MIDEAS: variants seen among roughly 807,000 people sequenced by gnomAD.
The protein encoded by MIDEAS is mitotic deacetylase associated SANT domain protein.
A neutral mutation model predicts 102.7 loss-of-function variants in MIDEAS; 26 were observed. The observed-to-expected ratio is 0.25, with a 90% CI of 0.19 to 0.35. The LOEUF is 0.35. Ranked by LOEUF, MIDEAS falls within the 10% of genes least tolerant of loss-of-function variation. The pLI, the probability that MIDEAS is intolerant of heterozygous loss-of-function variation, is 1.00. For missense variants in MIDEAS, 1,231 were observed against 1,435.6 expected, an observed-to-expected ratio of 0.86 and a Z score of 2.30; for synonymous variants, 585 against 591.0, an observed-to-expected ratio of 0.99 and a Z score of 0.15.
upstream of MIDEAS, among the ~76,000 whole-genome samples, chr14:73,760,638 T>C (rs1028628140): frequency 5.9e-5 from 9 of 152,186 alleles, no homozygotes; most frequent in African/African-American, 2.2e-4. The surrounding 1 kb of genome is among the most constrained non-coding windows in gnomAD (Gnocchi z 4.8). Flanking sequence ...AAAGAAACTC[T>C]CTCTGGTTTT....
chr14:73,730,091 C>T, intron 3 of MIDEAS, 106 bp from the exon 4 acceptor site: 2 of 1,099,642 alleles, frequency 1.8e-6, no homozygotes, highest in Non-Finnish European at 2.7e-6. Flanking sequence ...AGTCTGCCTA[C>T]CACACCCACC....
In MIDEAS at chr14:73,725,400, G is replaced by A. The variant is rs761309382; in HGVS notation, c.2486-40C>T. ...GGCAGCCAGGGAGTGAGGTGGGCAGGGCCCTGGCCACTGCAGGGCAATTTT... is the reference window on the plus strand; with the variant it reads ...GGCAGCCAGGGAGTGAGGTGGGCAGAGCCCTGGCCACTGCAGGGCAATTTT... On this transcript the variant is annotated intron_variant, in intron 8 of 12. Transcript: ENST00000423556. This position sits in a 1 kb window ranked among gnomAD's most constrained non-coding sequence, Gnocchi z 4.1. 1.3e-6 allele frequency: 2 copies of A among 1,562,222 alleles called. No homozygotes were observed. The highest frequency in any genetic ancestry group is 1.8e-6 in the Non-Finnish European group (2 of 1,133,382).
rs147744773 is a variant in MIDEAS at position 73,748,634 on chromosome 14, T to C, written c.-247-8379A>G. Reference sequence around the variant, plus strand: ...TACTAATATCAGACAAAATATGTGGTGGCAGGCACCTGTAATCGCAGCTAC... The same window carrying C: ...TACTAATATCAGACAAAATATGTGGCGGCAGGCACCTGTAATCGCAGCTAC... On this transcript the variant is annotated intron_variant, in intron 1 of 12. Transcript: ENST00000423556. Among the ~76,000 whole-genome samples, 458 of 152,050 alleles carry C rather than the reference T, an allele frequency of 3.0e-3. 2 individuals carry two copies. The highest frequency in any genetic ancestry group is 5.2e-3 in the Non-Finnish European group (356 of 67,982).
At chr14:73,761,252 T>G (rs2140158332), upstream of MIDEAS, among the ~76,000 whole-genome samples, 1 of 152,252 alleles carries the variant, frequency 6.6e-6, no homozygotes, top group East Asian at 1.9e-4. Flanking sequence ...CCTCACTTTC[T>G]CAGGGAGAAG....
chr14:73,773,318 T>C (rs1207622802), intron 1 of MIDEAS, among the ~76,000 whole-genome samples: 2 of 151,808 alleles, frequency 1.3e-5, no homozygotes, highest in African/African-American at 4.8e-5. Context: ...CTGGTGGATG[T>C]TGGAGGTAAT....
At chr14:73,755,246 GGCTCTTCCCCACCA>G (rs549730995) in intron 1 of MIDEAS, among the ~76,000 whole-genome samples, 9 of 152,094 alleles carry the variant, frequency 5.9e-5, no homozygotes, top group African/African-American at 1.4e-4. Context: ...CCCAAGCCCC[GGCTCTTCCCCACCA>G]GCTCTTCCCC....
rs2052907503 is a variant in MIDEAS, at chr14:73,717,369, C to T, written c.*1474G>A. ...TCCTGGCCCTTTCACTTCACCCATGCCAAATATGGCTTCTTCAAGCCAGAA... is the reference window on the plus strand; with the variant it reads ...TCCTGGCCCTTTCACTTCACCCATGTCAAATATGGCTTCTTCAAGCCAGAA... On this transcript the variant is annotated 3_prime_UTR_variant, in exon 13 of 13. Coordinates refer to ENST00000423556, the MANE Select transcript of MIDEAS (RefSeq NM_001367710.1). 1.3e-5 allele frequency: 2 copies of T among 152,206 alleles called. No individual in the cohort carries two copies. The highest frequency in any genetic ancestry group is 4.8e-5 in the African/African-American group (2 of 41,456). The allele number at this position is 152,206 out of a possible 1,614,324, so 9.4% of individuals were successfully genotyped here.
rs2053289087 is a variant in MIDEAS at position 73,742,148 on chromosome 14, T to C, written c.-247-1893A>G. Among the ~76,000 whole-genome samples the C allele has an allele frequency of 6.6e-6, 1 of 152,142 alleles. No individual in the cohort carries two copies. Among genetic ancestry groups the C allele is most frequent in the African/African-American group, 2.4e-5 (1 of 41,432 alleles). Reference sequence around the variant, plus strand: ...CGAGGGAACATCAAGCCCACAGAACTAGAAGTGCGTGTCTGCAGAAGCAAG... The same window carrying C: ...CGAGGGAACATCAAGCCCACAGAACCAGAAGTGCGTGTCTGCAGAAGCAAG... On this transcript the variant is annotated intron_variant, in intron 1 of 12. Coordinates refer to ENST00000423556, the MANE Select transcript of MIDEAS (RefSeq NM_001367710.1). The surrounding 1 kb of genome is among the most constrained non-coding windows in gnomAD (Gnocchi z 4.4).
In MIDEAS at chr14:73,759,017, G is replaced by T. The variant is rs886103286; in HGVS notation, c.-248+746C>A. Reference sequence around the variant, plus strand: ...TTCGGCGCTGCCGCCAGGCACCAGGGAACACAGCTCCCCGCGAGGCACCGC... The same window carrying T: ...TTCGGCGCTGCCGCCAGGCACCAGGTAACACAGCTCCCCGCGAGGCACCGC... On this transcript the variant is annotated intron_variant, in intron 1 of 12. Coordinates refer to ENST00000423556, the MANE Select transcript of MIDEAS (RefSeq NM_001367710.1). This position sits in a 1 kb window ranked among gnomAD's most constrained non-coding sequence, Gnocchi z 6.7. Among the ~76,000 whole-genome samples the T allele has an allele frequency of 3.9e-5, 6 of 152,154 alleles. No homozygotes were observed. The highest frequency in any genetic ancestry group is 8.8e-5 in the Non-Finnish European group (6 of 67,990).
intron 1 of MIDEAS, chr14:73,758,641 T>A (rs2053515948): frequency 6.5e-6 from 1 of 154,312 alleles, no homozygotes. Context: ...GGCACACAGG[T>A]CCCACGTGGG....
intron 1 of MIDEAS, among the ~76,000 whole-genome samples, chr14:73,767,656 G>C (rs1164555398): frequency 6.6e-6 from 1 of 152,064 alleles, no homozygotes; most frequent in African/African-American, 2.4e-5. Flanking sequence ...GGGGAAAAAG[G>C]CTCTCATAAA....
At chr14:73,761,187 G>A (rs944974320), upstream of MIDEAS, among the ~76,000 whole-genome samples, 4 of 152,188 alleles carry the variant, frequency 2.6e-5, no homozygotes, top group Non-Finnish European at 5.9e-5. Context: ...AATACCATGT[G>A]TCCTGGCAGC....
chr14:73,788,809 G>A (rs1464821223), upstream of MIDEAS, among the ~76,000 whole-genome samples: 1 of 152,164 alleles, frequency 6.6e-6, no homozygotes, highest in Non-Finnish European at 1.5e-5. Context: ...CAACCAATGA[G>A]AGAATATGTT....
intron 1 of MIDEAS, among the ~76,000 whole-genome samples, chr14:73,769,928 AT>A (rs1487936220): frequency 1.6e-5 from 2 of 123,436 alleles, no homozygotes; most frequent in African/African-American, 6.9e-5. Flanking sequence ...TTTTTTTTTA[AT>A]TTTTGCGGGT....
intron 11 of MIDEAS, among the ~76,000 whole-genome samples, chr14:73,720,182 C>T (rs1272890248): frequency 2.6e-5 from 4 of 151,188 alleles, no homozygotes; most frequent in Non-Finnish European, 5.9e-5. Flanking sequence ...GGCACACAGC[C>T]GTGTGTTTAC....
chr14:73,738,551 C>CGT lies in MIDEAS; in HGVS notation c.1449+8_1449+9insAC. 3 of 1,538,158 alleles carry CGT rather than the reference C, an allele frequency of 2.0e-6. No homozygotes were observed. In the Admixed American group the frequency reaches 5.8e-5, roughly 30 times the overall value. ...TGCCAGGTGTGGCTCCACTGCATGC[C>CGT]ACTCTCACCTTTGCATTCTGCAGTG... is the stretch of plus-strand genomic sequence containing the variant. On this transcript the variant is annotated intron_variant, in intron 2 of 12. Coordinates refer to ENST00000423556, the MANE Select transcript of MIDEAS (RefSeq NM_001367710.1).
In MIDEAS at chr14:73,751,704, C is replaced by T. The variant is rs372298810; in HGVS notation, c.-248+8059G>A. ...ACCTGAGGTCAGGAGTTTATGAGAC[C>T]AGCCTGACCAACATGGAGAAACTCT... is the stretch of plus-strand genomic sequence containing the variant. On this transcript the variant is annotated intron_variant, in intron 1 of 12. Coordinates refer to ENST00000423556, the MANE Select transcript of MIDEAS (RefSeq NM_001367710.1). Among the ~76,000 whole-genome samples, 225 of 152,230 alleles carry T rather than the reference C, an allele frequency of 1.5e-3. 9 individuals carry two copies. The South Asian group carries it at 0.045, about 31-fold the overall frequency.
chr14:73,743,971 A>C (rs1021940547), intron 1 of MIDEAS, among the ~76,000 whole-genome samples: 2 of 151,858 alleles, frequency 1.3e-5, no homozygotes, highest in Non-Finnish European at 2.9e-5. Flanking sequence ...AATCAAGACC[A>C]AGGCCTGGGA....
At chr14:73,771,264 A>C (rs1488419994) in intron 1 of MIDEAS, among the ~76,000 whole-genome samples, 2 of 152,188 alleles carry the variant, frequency 1.3e-5, no homozygotes, top group African/African-American at 2.4e-5. Context: ...GTTTTAGCAA[A>C]TATACACTGG....
Sources: allele counts gnomAD v4.1 joint callset (sites outside exome capture counted in the v4.1 genomes callset), GRCh38; gene constraint gnomAD v4.1.1; non-coding constraint Gnocchi (gnomAD v3.1); transcripts MANE v1.5; gene names NCBI Gene and HGNC (gene_info 2026-07-23, HGNC 2026-07-21).